The following NRXN1 variants were observed in gnomAD, a reference collection of about 807,000 sequenced individuals.
NRXN1 encodes neurexin 1.
In NRXN1, 39 loss-of-function variants were observed where a neutral mutation model predicts 150.9. The ratio of observed to expected loss-of-function variants is 0.26; its 90% CI spans 0.20 to 0.34. The LOEUF is 0.34. Among genes scored for constraint, NRXN1 ranks in the 10% least tolerant of loss-of-function variants. The pLI is 1.00. For synonymous variants in NRXN1, 924 were observed against 757.0 expected (o/e 1.22, Z -3.62); for missense variants, 1,815 against 1,949.9 (o/e 0.93, Z 1.30).
At chr2:50,036,222 G>C (rs1325296190) in intron 21 of NRXN1, among the ~76,000 whole-genome samples, 1 of 152,048 alleles carries the variant, frequency 6.6e-6, no homozygotes, top group African/African-American at 2.4e-5. Context: ...ATGATATTGC[G>C]TGAGTTCTCA....
chr2:50,871,686 A>G (rs1465090741), intron 5 of NRXN1, among the ~76,000 whole-genome samples: 1 of 151,818 alleles, frequency 6.6e-6, no homozygotes, highest in Admixed American at 6.6e-5. Context: ...GAGAAACTCA[A>G]AACATGCCGA....
intron 5 of NRXN1, among the ~76,000 whole-genome samples, chr2:50,888,162 A>C (rs1393147326): frequency 1.3e-5 from 2 of 151,556 alleles, no homozygotes; most frequent in African/African-American, 4.8e-5. Context: ...TGAAGTATAG[A>C]GCTTCAAGAA....
intron 17 of NRXN1, among the ~76,000 whole-genome samples, chr2:50,394,355 C>A (rs1195407371): frequency 1.3e-5 from 2 of 152,136 alleles, no homozygotes; most frequent in African/African-American, 4.8e-5. Context: ...CACTTTTCCA[C>A]TCCAACCTCC....
At chr2:50,031,504 C>T (rs1689174107) in intron 21 of NRXN1, among the ~76,000 whole-genome samples, 1 of 151,128 alleles carries the variant, frequency 6.6e-6, no homozygotes, top group African/African-American at 2.5e-5. Context: ...TTACTTTTTC[C>T]AGTGTAAAGT....
chr2:50,920,373 C>T (rs955139213), intron 5 of NRXN1, among the ~76,000 whole-genome samples: 1 of 151,656 alleles, frequency 6.6e-6, no homozygotes, highest in African/African-American at 2.4e-5. Flanking sequence ...TGAGTATAAA[C>T]ATGAACTATT....
chr2:50,894,162 C>T (rs147730519), intron 5 of NRXN1, among the ~76,000 whole-genome samples: 1 of 151,578 alleles, frequency 6.6e-6, no homozygotes. Context: ...GTGGGTGCAG[C>T]GCACCAGCAT....
chr2:50,774,995 T>C (rs534284289), intron 5 of NRXN1, among the ~76,000 whole-genome samples: 1 of 152,184 alleles, frequency 6.6e-6, no homozygotes, highest in Admixed American at 6.6e-5. Flanking sequence ...TTGCCTTGTC[T>C]TTACCACTAG....
chr2:50,268,486 T>A (rs2069158507), intron 17 of NRXN1, among the ~76,000 whole-genome samples: 1 of 152,112 alleles, frequency 6.6e-6, no homozygotes, highest in Non-Finnish European at 1.5e-5. Flanking sequence ...ACAGGACACT[T>A]TACAAAGTAG....
chr2:50,889,734 A>G (rs1360327009), intron 5 of NRXN1, among the ~76,000 whole-genome samples: 1 of 151,718 alleles, frequency 6.6e-6, no homozygotes, highest in Non-Finnish European at 1.5e-5. Context: ...TTGGAATATC[A>G]CACTTTTAGT....
chr2:50,061,586 G>A (rs550147085), intron 19 of NRXN1, among the ~76,000 whole-genome samples: 13 of 152,212 alleles, frequency 8.5e-5, no homozygotes, highest in East Asian at 1.9e-4. Context: ...TATACATTCC[G>A]GGCTATAAAA....
At chr2:50,141,387 A>T (rs1707256040) in intron 18 of NRXN1, among the ~76,000 whole-genome samples, 1 of 152,116 alleles carries the variant, frequency 6.6e-6, no homozygotes, top group South Asian at 2.1e-4. Flanking sequence ...ACACTCTAAG[A>T]CATTGGTCTA....
chr2:50,664,792 A>T (rs1687794533), intron 5 of NRXN1, among the ~76,000 whole-genome samples: 1 of 151,480 alleles, frequency 6.6e-6, no homozygotes. Flanking sequence ...AAAAAAAAAC[A>T]AAAACTATGA....
At chr2:50,090,906 A>C (rs540779442) in intron 19 of NRXN1, among the ~76,000 whole-genome samples, 21 of 152,218 alleles carry the variant, frequency 1.4e-4, no homozygotes, top group African/African-American at 4.1e-4. Flanking sequence ...CTACCATCTG[A>C]GGAAGCGTTA....
chr2:50,803,029 C>A (rs1707833650), intron 5 of NRXN1, among the ~76,000 whole-genome samples: 1 of 152,142 alleles, frequency 6.6e-6, no homozygotes, highest in Non-Finnish European at 1.5e-5. Flanking sequence ...AGTCACCCAG[C>A]TTTTGGTACT....
chr2:50,199,450 T>G (rs1176670406), intron 18 of NRXN1, among the ~76,000 whole-genome samples: 1 of 151,920 alleles, frequency 6.6e-6, no homozygotes, highest in African/African-American at 2.4e-5. Flanking sequence ...GGATTATGGT[T>G]TACACAAGAA....
intron 17 of NRXN1, among the ~76,000 whole-genome samples, chr2:50,460,345 C>T (rs1024779987): frequency 6.6e-6 from 1 of 151,978 alleles, no homozygotes; most frequent in Non-Finnish European, 1.5e-5. Context: ...TTTCTAGGGG[C>T]CAAGGTGGCA....
intron 5 of NRXN1, among the ~76,000 whole-genome samples, chr2:50,701,737 T>C (rs535806794): frequency 3.8e-4 from 58 of 152,322 alleles, no homozygotes; most frequent in African/African-American, 1.4e-3. Flanking sequence ...CAGTAAGTTG[T>C]AAGCCCTTTA....
intron 17 of NRXN1, among the ~76,000 whole-genome samples, chr2:50,445,862 G>A (rs1252733627): frequency 6.6e-6 from 1 of 152,096 alleles, no homozygotes; most frequent in East Asian, 1.9e-4. Context: ...CTCAGGACTA[G>A]GGACATCCCC....
chr2:49,935,655 C>T (rs1363304126), intron 22 of NRXN1, among the ~76,000 whole-genome samples: 1 of 152,192 alleles, frequency 6.6e-6, no homozygotes, highest in Non-Finnish European at 1.5e-5. Flanking sequence ...ATTGGCTCCT[C>T]ATGGAGGCAG....
Sources: allele counts gnomAD v4.1 joint callset (sites outside exome capture counted in the v4.1 genomes callset), GRCh38; gene constraint gnomAD v4.1.1; transcripts MANE v1.5; gene names NCBI Gene and HGNC (gene_info 2026-07-23, HGNC 2026-07-21).